Variants in TBC1D21 observed in about 807,000 individuals in gnomAD.
TBC1D21 encodes the protein male germ cell Rab GTPase-activating protein.
In TBC1D21, 38 loss-of-function variants were observed where a neutral mutation model predicts 46.0. The ratio of observed to expected loss-of-function variants is 0.83; its 90% CI spans 0.64 to 1.08. The LOEUF is 1.08. Among genes scored for constraint, TBC1D21 ranks in the 50% least tolerant of loss-of-function variants. The pLI is 0.00. For missense variants in TBC1D21, 415 were observed against 417.9 expected (o/e 0.99, Z 0.06); for synonymous variants, 151 against 157.2 (o/e 0.96, Z 0.29).
chr15:73,899,076 C>T, the TBC1D21 span, among the ~76,000 whole-genome samples: 418 of 151,986 alleles, frequency 2.8e-3, 1 homozygote, highest in African/African-American at 8.9e-3. Flanking sequence ...CTCAGAAGCG[C>T]GTGTGGCTAG....
At chr15:73,898,880 A>AAAAAAATATATATATATATATATAT in the TBC1D21 span, among the ~76,000 whole-genome samples, 32 of 56,688 alleles carry the variant, frequency 5.6e-4, no homozygotes, top group Non-Finnish European at 8.7e-4. Flanking sequence ...AAAAAAAAAA[A>AAAAAAATATATATATATATATATAT]ATATATATAT....
intron 3 of TBC1D21, 123 bp downstream of exon 3, chr15:73,881,870 C>G (rs2068162254): frequency 2.3e-6 from 2 of 851,132 alleles, no homozygotes; most frequent in Non-Finnish European, 3.7e-6. Flanking sequence ...AACCCCATGC[C>G]TCCTGACCCA....
chr15:73,889,895 T>C (rs2141588609), downstream of TBC1D21, among the ~76,000 whole-genome samples: 1 of 152,346 alleles, frequency 6.6e-6, no homozygotes, highest in South Asian at 2.1e-4. Context: ...GCCTGCCCCA[T>C]GCTCTAGCTG....
intron 4 of TBC1D21, among the ~76,000 whole-genome samples, 168 bp downstream of exon 4, chr15:73,884,413 C>T (rs1239019304): frequency 6.6e-6 from 1 of 152,194 alleles, no homozygotes; most frequent in Non-Finnish European, 1.5e-5. Context: ...CCACCAGTCT[C>T]TCCTGGGTGG....
At chr15:73,903,011 C>T in the TBC1D21 span, among the ~76,000 whole-genome samples, 1 of 152,172 alleles carries the variant, frequency 6.6e-6, no homozygotes, top group Non-Finnish European at 1.5e-5. Context: ...GACCCAAGCT[C>T]ACCTGTTCAC....
intron 3 of TBC1D21, among the ~76,000 whole-genome samples, 153 bp downstream of exon 3, chr15:73,881,900 G>A (rs557119244): frequency 1.3e-5 from 2 of 152,240 alleles, no homozygotes; most frequent in Non-Finnish European, 2.9e-5. Flanking sequence ...CACAGGAGGT[G>A]CGGCCAGTTC....
At chr15:73,903,124 C>T in the TBC1D21 span, among the ~76,000 whole-genome samples, 1 of 152,178 alleles carries the variant, frequency 6.6e-6, no homozygotes, top group Non-Finnish European at 1.5e-5. Flanking sequence ...TAACTCGCTC[C>T]CCTTTATCCC....
chr15:73,888,944 T>C, intron 10 of TBC1D21, 125 bp from the exon 11 acceptor site: 1 of 1,133,516 alleles, frequency 8.8e-7, no homozygotes, highest in Non-Finnish European at 1.3e-6. Flanking sequence ...TCATCCCCCA[T>C]TCCCTGTGTC....
chr15:73,886,845 T>C (rs1231313933), intron 8 of TBC1D21, among the ~76,000 whole-genome samples: 1 of 152,212 alleles, frequency 6.6e-6, no homozygotes, highest in Non-Finnish European at 1.5e-5. Context: ...TGCTAGCAGT[T>C]GACACAGGAG....
rs570521730 is a variant in TBC1D21 at position 73,880,650 on chromosome 15, A to G, written c.61-749A>G. Among the ~76,000 whole-genome samples, 11 of 152,286 alleles carry G rather than the reference A, an allele frequency of 7.2e-5. No homozygotes were observed. The South Asian group carries it at 2.1e-3, about 29-fold the overall frequency. On this transcript the variant is annotated intron_variant, in intron 1 of 10. Coordinates refer to ENST00000300504, the MANE Select transcript of TBC1D21 (RefSeq NM_153356.3). ...GTTGGGTGTGGTGGCGCGTGCCTATAGTCCCAGCTACTCAGGAAGCTGAAG... is the reference window on the plus strand; with the variant it reads ...GTTGGGTGTGGTGGCGCGTGCCTATGGTCCCAGCTACTCAGGAAGCTGAAG...
rs1248363621 is a variant in TBC1D21, at chr15:73,887,649, C to G, written c.807C>G (p.Asn269Lys). 1 of 1,614,126 alleles carries G rather than the reference C, an allele frequency of 6.2e-7. No homozygotes were observed. The highest frequency in any genetic ancestry group is 2.2e-5 in the East Asian group (1 of 44,886). Residue 269 changes from asparagine to lysine, a missense_variant, in exon 9 of 11, where the codon AAC becomes AAG. Asn to Lys is a moderately conservative substitution (Grantham distance 94). Coordinates refer to ENST00000300504, the MANE Select transcript of TBC1D21 (RefSeq NM_153356.3). Reference sequence around the variant, plus strand: ...TGCTGACGGGGAAGCCCTGCAGGAACTTCCAGGTGCTGGTGGCCTACAGCA... The same window carrying G: ...TGCTGACGGGGAAGCCCTGCAGGAAGTTCCAGGTGCTGGTGGCCTACAGCA... ...EVLLTGKPCR[N>K]FQVLVAYSML...
chr15:73,901,451 C>T, the TBC1D21 span, among the ~76,000 whole-genome samples: 1 of 152,254 alleles, frequency 6.6e-6, no homozygotes, highest in Non-Finnish European at 1.5e-5. Context: ...TGCCCATGTG[C>T]ACATCTTCAT....
chr15:73,899,638 GAGAGA>G, the TBC1D21 span, among the ~76,000 whole-genome samples: 2 of 152,280 alleles, frequency 1.3e-5, no homozygotes, highest in African/African-American at 4.8e-5. Context: ...GGAATCAGAG[GAGAGA>G]AAAGAGGAAC....
rs2068006399 is a variant in TBC1D21 at position 73,873,611 on chromosome 15, G to A, written c.-99G>A. On this transcript the variant is annotated 5_prime_UTR_variant, in exon 1 of 11. Coordinates refer to ENST00000300504, the MANE Select transcript of TBC1D21 (RefSeq NM_153356.3). The stretch of plus-strand genomic sequence containing the variant: ...AAGTGTGGGAGGTCAGGAGCAGCCA[G>A]TTCCTCCTGGGAATGCAACCCATCT... 1 of 1,368,188 alleles carries A rather than the reference G, an allele frequency of 7.3e-7. No individual in the cohort carries two copies. Among genetic ancestry groups the A allele is most frequent in the East Asian group, 2.5e-5 (1 of 39,838 alleles). The allele number at this position is 1,368,188 out of a possible 1,614,324, so 84.8% of individuals were successfully genotyped here.
chr15:73,890,206 C>T (rs889671376), downstream of TBC1D21, among the ~76,000 whole-genome samples: 3 of 152,202 alleles, frequency 2.0e-5, no homozygotes, highest in Admixed American at 2.0e-4. Context: ...CATCCTGGCA[C>T]TCTTAGTGAC....
the TBC1D21 span, among the ~76,000 whole-genome samples, chr15:73,895,355 C>T: frequency 2.0e-5 from 3 of 152,294 alleles, no homozygotes; most frequent in African/African-American, 7.2e-5. Flanking sequence ...TCTCCGCAGT[C>T]GATCTCCTGT....
the TBC1D21 span, among the ~76,000 whole-genome samples, chr15:73,896,201 C>T: frequency 1.3e-4 from 9 of 67,608 alleles, no homozygotes; most frequent in Non-Finnish European, 2.5e-4. Context: ...GTGGTGACAG[C>T]GATAGTGGAG....
chr15:73,904,010 T>C, the TBC1D21 span, among the ~76,000 whole-genome samples: 1 of 152,200 alleles, frequency 6.6e-6, no homozygotes, highest in Non-Finnish European at 1.5e-5. Flanking sequence ...ATCACGCCAC[T>C]GCACTCCAGC....
At chr15:73,898,880 A>AAAAATATATATATATATAT in the TBC1D21 span, among the ~76,000 whole-genome samples, 383 of 56,412 alleles carry the variant, frequency 6.8e-3, 7 homozygotes, top group Non-Finnish European at 0.011. Flanking sequence ...AAAAAAAAAA[A>AAAAATATATATATATATAT]ATATATATAT....
Sources: gnomAD v4.1 joint callset for allele counts (sites outside exome capture counted in the v4.1 genomes callset) on GRCh38, gnomAD v4.1.1 for gene constraint, MANE v1.5 for transcripts, NCBI Gene and HGNC (gene_info 2026-07-23, HGNC 2026-07-21) for gene names.